PDE7B: variants seen among roughly 807,000 people sequenced by gnomAD.
PDE7B encodes the protein 3',5'-cyclic-AMP phosphodiesterase 7B.
In PDE7B, 29 loss-of-function variants were observed where a neutral mutation model predicts 56.2. The ratio of observed to expected loss-of-function variants is 0.52; its 90% confidence interval spans 0.38 to 0.70. PDE7B has a LOEUF of 0.70. PDE7B is among the 30% of genes least tolerant of loss of function. The probability of loss-of-function intolerance (pLI) is 0.00; values close to 1 mark genes in which losing one functional copy is unlikely to be tolerated. For missense variants in PDE7B, 490 were observed against 565.0 expected (o/e 0.87, Z 1.35); for synonymous variants, 197 against 196.9 (o/e 1.00, Z 0.00).
chr6:135,893,314 C>T (rs545198736), intron 1 of PDE7B, among the ~76,000 whole-genome samples: 34 of 147,372 alleles, frequency 2.3e-4, no homozygotes, highest in Non-Finnish European at 4.2e-4. Context: ...TGAGAACATG[C>T]GGTGTTTGTT....
chr6:136,125,149 G>A (rs939313371), intron 3 of PDE7B, among the ~76,000 whole-genome samples: 14 of 152,120 alleles, frequency 9.2e-5, no homozygotes, highest in African/African-American at 2.9e-4. Flanking sequence ...GAACACAGGC[G>A]ATATTTTTGT....
chr6:135,991,069 G>A (rs933143335), intron 2 of PDE7B, among the ~76,000 whole-genome samples: 2 of 152,186 alleles, frequency 1.3e-5, no homozygotes, highest in African/African-American at 4.8e-5. Flanking sequence ...TTTGTAAACT[G>A]TCATGGCACT....
chr6:135,965,978 A>G (rs1188589084), intron 2 of PDE7B, among the ~76,000 whole-genome samples: 1 of 152,230 alleles, frequency 6.6e-6, no homozygotes, highest in Non-Finnish European at 1.5e-5. Flanking sequence ...TTAACAAAAT[A>G]AGGAAAAAGT....
At chr6:135,880,892 G>A (rs933120368) in intron 1 of PDE7B, among the ~76,000 whole-genome samples, 1 of 152,198 alleles carries the variant, frequency 6.6e-6, no homozygotes, top group African/African-American at 2.4e-5. Flanking sequence ...AGCTCAGTAA[G>A]TGAGGAAAGA....
rs182633161 is a variant in PDE7B, at chr6:135,972,426, T to A, written c.82+24902T>A. ...CATGTGATTTTAATTATAACCATAC[T>A]TTTATTTAAAGTGGGAAGGAACAGA... On this transcript the variant is annotated intron_variant, in intron 2 of 12. Transcript: ENST00000308191. Among the ~76,000 whole-genome samples, 8 of 151,742 alleles carry A rather than the reference T, an allele frequency of 5.3e-5. No individual in the cohort carries two copies. In the East Asian group the frequency reaches 1.5e-3, roughly 29 times the overall value.
chr6:135,939,967 A>G (rs1394606347), intron 1 of PDE7B, among the ~76,000 whole-genome samples: 4 of 152,222 alleles, frequency 2.6e-5, no homozygotes, highest in African/African-American at 9.6e-5. Context: ...ATTATTTGAT[A>G]CAATGCTAGA....
At chr6:136,033,810 C>T (rs7746814) in intron 2 of PDE7B, among the ~76,000 whole-genome samples, 1,764 of 152,172 alleles carry the variant, frequency 0.012, 32 homozygotes, top group African/African-American at 0.04. Flanking sequence ...GTTGAAAGAC[C>T]TGTTTTTACT....
rs79137904 is a variant in PDE7B, at chr6:136,167,770, C to A, written c.712-6027C>A. 5.6e-3 allele frequency among the ~76,000 whole-genome samples: 850 copies of A among 152,246 alleles called. 8 individuals are homozygous for A. Among genetic ancestry groups the A allele is most frequent in the African/African-American group, 0.02 (815 of 41,532 alleles). On this transcript the variant is annotated intron_variant, in intron 8 of 12. Transcript: ENST00000308191. ...GTTGAATGAAATCAAGTAATTTGTT[C>A]TCTTACTTAGCAAATTTATAGAAAC...
At chr6:136,008,680 T>G (rs1775832944) in intron 2 of PDE7B, among the ~76,000 whole-genome samples, 1 of 152,208 alleles carries the variant, frequency 6.6e-6, no homozygotes, top group Non-Finnish European at 1.5e-5. Flanking sequence ...TCGATGGGGT[T>G]GTTTGTTTGT....
chr6:136,050,160 T>C (rs1025510945), intron 2 of PDE7B, among the ~76,000 whole-genome samples: 2 of 152,232 alleles, frequency 1.3e-5, no homozygotes, highest in Non-Finnish European at 1.5e-5. Context: ...TCCAATTTTC[T>C]GTCCTTTTCA....
At chr6:136,025,186 C>G (rs915625441) in intron 2 of PDE7B, among the ~76,000 whole-genome samples, 12 of 152,208 alleles carry the variant, frequency 7.9e-5, no homozygotes, top group African/African-American at 2.9e-4. Flanking sequence ...AACAATAGTG[C>G]TAATTCAGCA....
chr6:135,936,015 G>C (rs6934614), intron 1 of PDE7B, among the ~76,000 whole-genome samples: 78,243 of 152,102 alleles, frequency 0.51, 20,493 homozygotes, highest in East Asian at 0.67. Flanking sequence ...GTGTTTGTTC[G>C]TTTGTGGCTC....
At chr6:136,143,479 G>T (rs900416279) in intron 3 of PDE7B, among the ~76,000 whole-genome samples, 7 of 151,898 alleles carry the variant, frequency 4.6e-5, no homozygotes, top group Non-Finnish European at 8.8e-5. Flanking sequence ...ATATCTTAAT[G>T]TAATATTTTT....
chr6:135,947,144 G>A (rs1029884939), intron 1 of PDE7B, among the ~76,000 whole-genome samples: 9 of 151,968 alleles, frequency 5.9e-5, no homozygotes, highest in Admixed American at 3.3e-4. Context: ...CAGATTATTG[G>A]GCCTAATAGA....
intron 1 of PDE7B, among the ~76,000 whole-genome samples, chr6:135,876,170 A>T (rs1170978411): frequency 4.6e-5 from 7 of 152,134 alleles, no homozygotes. Flanking sequence ...GCTAAGTAGA[A>T]ATGGCTGTGA....
intron 2 of PDE7B, among the ~76,000 whole-genome samples, chr6:135,956,422 G>A (rs995828769): frequency 8.5e-5 from 13 of 152,130 alleles, no homozygotes; most frequent in South Asian, 2.1e-4. Flanking sequence ...AGCAGAAGGT[G>A]GGGTGAGGTG....
chr6:135,935,649 G>A (rs1025761246), intron 1 of PDE7B, among the ~76,000 whole-genome samples: 1 of 152,144 alleles, frequency 6.6e-6, no homozygotes, highest in Non-Finnish European at 1.5e-5. Context: ...ACCTTGAAGA[G>A]GTGTCTTTCA....
chr6:135,854,563 G>A (rs1354529926), intron 1 of PDE7B, among the ~76,000 whole-genome samples: 1 of 152,318 alleles, frequency 6.6e-6, no homozygotes, highest in East Asian at 1.9e-4. Flanking sequence ...TTGGAAATGT[G>A]AGGTCTCTCT....
intron 1 of PDE7B, among the ~76,000 whole-genome samples, chr6:135,943,486 G>T (rs1222899718): frequency 6.6e-6 from 1 of 152,202 alleles, no homozygotes; most frequent in African/African-American, 2.4e-5. Flanking sequence ...CAGGTCAAAA[G>T]TAGCCAATAT....
Sources: gnomAD v4.1 joint callset for allele counts (sites outside exome capture counted in the v4.1 genomes callset) on GRCh38, gnomAD v4.1.1 for gene constraint, MANE v1.5 for transcripts, NCBI Gene and HGNC (gene_info 2026-07-23, HGNC 2026-07-21) for gene names.